Variants in CHRNA7 observed in about 807,000 individuals in gnomAD.
CHRNA7 encodes neuronal acetylcholine receptor subunit alpha-7.
CHRNA7 carries 17 observed loss-of-function variants against 48.0 expected under a neutral mutation model. That is an observed-to-expected ratio of 0.35 (90% CI 0.24 to 0.53). CHRNA7 has a LOEUF of 0.53. CHRNA7 is among the 20% of genes least tolerant of loss of function. The pLI is 0.92. For synonymous variants in CHRNA7, 75 were observed against 242.3 expected, an observed-to-expected ratio of 0.31 and a Z score of 6.41; for missense variants, 155 against 577.7, an observed-to-expected ratio of 0.27 and a Z score of 7.50.
At position 32,137,031 on chromosome 15, in the gene CHRNA7, C is replaced by CAAAAA. The variant is rs775166263; in HGVS notation, c.351-16865_351-16861dup. Among the ~76,000 whole-genome samples the CAAAAA allele has an allele frequency of 1.1e-3, 69 of 63,842 alleles. 1 individual carries two copies. The highest frequency in any genetic ancestry group is 2.3e-3 in the African/African-American group (30 of 13,180). 41.9% of individuals were successfully genotyped at this position (63,842 alleles called of 152,430 possible). A position where few individuals can be genotyped will look rare whatever the true frequency, so the allele number is the denominator to read the frequency against. ...TGGGCGACAGAGCGAGACTCCGTCT[C>CAAAAA]AAAAAAAAAAAAAAAGAAAAAAAAA... On this transcript the variant is annotated intron_variant, in intron 4 of 9. Transcript: ENST00000306901.
intron 3 of CHRNA7, among the ~76,000 whole-genome samples, chr15:32,103,424 AAAG>A (rs1555381849): frequency 3.3e-5 from 5 of 151,216 alleles, no homozygotes; most frequent in South Asian, 2.1e-4. Context: ...AAAAAAAAAA[AAAG>A]AAAGAAAAAG....
At chr15:32,072,648 A>G (rs1025280807) in intron 2 of CHRNA7, among the ~76,000 whole-genome samples, 4 of 152,208 alleles carry the variant, frequency 2.6e-5, no homozygotes, top group Admixed American at 6.5e-5. Flanking sequence ...GAGCTGAGGC[A>G]CTGCTGCCCT....
intron 2 of CHRNA7, among the ~76,000 whole-genome samples, chr15:32,080,779 C>T (rs139843965): frequency 0.02 from 2,979 of 152,210 alleles, 95 homozygotes; most frequent in African/African-American, 0.069. Context: ...TTGACTCAGC[C>T]GTCCCATTAC....
intron 2 of CHRNA7, among the ~76,000 whole-genome samples, chr15:32,074,307 G>A (rs570654506): frequency 1.8e-4 from 27 of 147,238 alleles, no homozygotes; most frequent in Non-Finnish European, 2.6e-4. Context: ...GTGTTTCATT[G>A]CCTTTTCTTG....
At chr15:32,123,735 A>G (rs1045306964) in intron 4 of CHRNA7, among the ~76,000 whole-genome samples, 1 of 152,106 alleles carries the variant, frequency 6.6e-6, no homozygotes, top group African/African-American at 2.4e-5. Flanking sequence ...TGTTCTTTTC[A>G]TAGAAGCCCT....
chr15:32,077,743 G>A (rs1212406897), intron 2 of CHRNA7, among the ~76,000 whole-genome samples: 1 of 152,112 alleles, frequency 6.6e-6, no homozygotes, highest in East Asian at 1.9e-4. Context: ...TTCTGATGAG[G>A]GCTTCAGTCT....
intron 4 of CHRNA7, among the ~76,000 whole-genome samples, chr15:32,123,239 G>A (rs2051004624): frequency 6.6e-6 from 1 of 152,186 alleles, no homozygotes; most frequent in Admixed American, 6.5e-5. Flanking sequence ...CAGACGTTTG[G>A]TGTCGGCCTT....
intron 2 of CHRNA7, among the ~76,000 whole-genome samples, chr15:32,061,331 C>T (rs960453646): frequency 6.6e-6 from 1 of 152,188 alleles, no homozygotes; most frequent in African/African-American, 2.4e-5. Context: ...GTGGAAAGAA[C>T]AGCCTAAGAT....
chr15:32,139,955 G>T (rs1773987304), intron 4 of CHRNA7, among the ~76,000 whole-genome samples: 2 of 152,072 alleles, frequency 1.3e-5, no homozygotes, highest in African/African-American at 4.8e-5. Flanking sequence ...AAGTTATAGG[G>T]TACCTGTGCA....
intron 4 of CHRNA7, among the ~76,000 whole-genome samples, chr15:32,144,554 A>G (rs953570295): frequency 6.6e-6 from 1 of 152,230 alleles, no homozygotes; most frequent in Non-Finnish European, 1.5e-5. Flanking sequence ...AGGTACACCA[A>G]TCAAACATAG....
At chr15:32,073,466 A>C (rs1284874622) in intron 2 of CHRNA7, among the ~76,000 whole-genome samples, 1 of 152,230 alleles carries the variant, frequency 6.6e-6, no homozygotes, top group African/African-American at 2.4e-5. Flanking sequence ...TTAATGCTGG[A>C]ATAAGTTAAG....
intron 4 of CHRNA7, among the ~76,000 whole-genome samples, chr15:32,147,693 A>C (rs997896424): frequency 6.6e-6 from 1 of 152,222 alleles, no homozygotes; most frequent in Admixed American, 6.5e-5. Flanking sequence ...GGCAGGTAGA[A>C]ATGACCATAA....
chr15:32,136,283 G>C (rs533438964), intron 4 of CHRNA7, among the ~76,000 whole-genome samples: 2 of 152,142 alleles, frequency 1.3e-5, no homozygotes, highest in Admixed American at 1.3e-4. Flanking sequence ...CTGAGGTCAG[G>C]AGTTCGAGAC....
intron 3 of CHRNA7, among the ~76,000 whole-genome samples, chr15:32,107,745 T>G (rs950834142): frequency 2.0e-5 from 3 of 152,032 alleles, no homozygotes; most frequent in Admixed American, 6.6e-5. Flanking sequence ...TGACCAAGAG[T>G]GTTTATAACC....
chr15:32,080,509 G>T (rs941057917), intron 2 of CHRNA7, among the ~76,000 whole-genome samples: 1 of 152,050 alleles, frequency 6.6e-6, no homozygotes, highest in African/African-American at 2.4e-5. Context: ...CTCAAAAGAA[G>T]ACATTTATGT....
At position 32,109,867 on chromosome 15, in the gene CHRNA7, C is replaced by T. The variant is rs527430304; in HGVS notation, c.241-1923C>T. ...CCCGTGGTTTACGCAGTGGGGTGTGCGGGGTGTGGGGAGGCAGCGTACAGC... is the reference window on the plus strand; with the variant it reads ...CCCGTGGTTTACGCAGTGGGGTGTGTGGGGTGTGGGGAGGCAGCGTACAGC... On this transcript the variant is annotated intron_variant, in intron 3 of 9. Transcript: ENST00000306901. Among the ~76,000 whole-genome samples the T allele has an allele frequency of 1.8e-4, 28 of 152,166 alleles. No individual in the cohort carries two copies. The South Asian group carries it at 2.7e-3, about 15-fold the overall frequency.
At chr15:32,134,850 C>G (rs1422839349) in intron 4 of CHRNA7, among the ~76,000 whole-genome samples, 1 of 152,160 alleles carries the variant, frequency 6.6e-6, no homozygotes, top group Non-Finnish European at 1.5e-5. Flanking sequence ...ACAGTGGAGG[C>G]ATAGAATGTC....
chr15:32,031,635 G>T (rs78186393), intron 2 of CHRNA7, among the ~76,000 whole-genome samples: 1 of 152,322 alleles, frequency 6.6e-6, no homozygotes, highest in East Asian at 1.9e-4. Flanking sequence ...AGGGTTCCCC[G>T]TCAGGAATAC....
chr15:32,105,483 A>AAGG (rs745817586), intron 3 of CHRNA7, among the ~76,000 whole-genome samples: 8 of 136,624 alleles, frequency 5.9e-5, no homozygotes, highest in African/African-American at 8.9e-5. Context: ...GAGAGGAGGA[A>AAGG]AGGAGGAGGA....
Sources: gnomAD v4.1 joint callset for allele counts (sites outside exome capture counted in the v4.1 genomes callset) on GRCh38, gnomAD v4.1.1 for gene constraint, MANE v1.5 for transcripts, NCBI Gene and HGNC (gene_info 2026-07-23, HGNC 2026-07-21) for gene names.